Variants in FAM193B observed in about 807,000 individuals in gnomAD.
FAM193B encodes protein FAM193B.
In FAM193B, 27 loss-of-function variants were observed where a neutral mutation model predicts 70.7. The ratio of observed to expected loss-of-function variants is 0.38; its 90% CI spans 0.28 to 0.53. The LOEUF (loss-of-function observed/expected upper bound fraction) is 0.53, where lower values mean the gene tolerates loss of function less well. FAM193B is among the 20% of genes least tolerant of loss of function. The probability of loss-of-function intolerance (pLI) is 0.81; values close to 1 mark genes in which losing one functional copy is unlikely to be tolerated. For missense variants in FAM193B, 1,022 were observed against 1,072.5 expected (o/e 0.95, Z 0.66); for synonymous variants, 448 against 436.0 (o/e 1.03, Z -0.34).
chr5:177,538,614 AG>A lies in FAM193B; in HGVS notation c.453+290del, dbSNP rs1442771080. 2.6e-5 allele frequency among the ~76,000 whole-genome samples: 4 copies of A among 152,300 alleles called. No individual in the cohort carries two copies. The highest frequency in any genetic ancestry group is 1.3e-4 in the Admixed American group (2 of 15,302). The stretch of plus-strand genomic sequence containing the variant: ...CCCATGTCATACTGGTTGGCTTTCA[AG>A]CTGCCACAGAGCCGAAGGCAGCAGG... On this transcript the variant is annotated intron_variant, in intron 2 of 8. Coordinates refer to ENST00000514747, the MANE Select transcript of FAM193B (RefSeq NM_001190946.3). The surrounding 1 kb of genome is among the most constrained non-coding windows in gnomAD (Gnocchi z 4.1).
chr5:177,534,291 A>ATTT (rs372141424), intron 4 of FAM193B, among the ~76,000 whole-genome samples: 11 of 134,796 alleles, frequency 8.2e-5, no homozygotes, highest in Non-Finnish European at 1.2e-4. Flanking sequence ...AGCAAAACTG[A>ATTT]TTTTTTTTTT....
chr5:177,532,414 C>T lies in FAM193B; in HGVS notation c.1275+29G>A. The T allele has an allele frequency of 6.3e-7, 1 of 1,593,890 alleles. No individual in the cohort carries two copies. The highest frequency in any genetic ancestry group is 8.5e-7 in the Non-Finnish European group (1 of 1,172,070). On this transcript the variant is annotated intron_variant, in intron 5 of 8. Transcript: ENST00000514747. This position sits in a 1 kb window ranked among gnomAD's most constrained non-coding sequence, Gnocchi z 4.9. ...TTTGCTCACCTTGGCTGGCCCCCAG[C>T]CCTCTCTAGCCTGGGCAGGCTCACT... is the stretch of plus-strand genomic sequence containing the variant.
intron 5 of FAM193B, among the ~76,000 whole-genome samples, chr5:177,526,930 C>T (rs1762702201): frequency 6.6e-6 from 1 of 152,222 alleles, no homozygotes; most frequent in Non-Finnish European, 1.5e-5. Flanking sequence ...CTTCAGTCTG[C>T]TGAGGGAGAC....
chr5:177,551,935 C>T (rs1460466292), intron 1 of FAM193B: 1 of 725,546 alleles, frequency 1.4e-6, no homozygotes, highest in African/African-American at 1.9e-5. Flanking sequence ...CCAGACCCCA[C>T]CCCCGGTCAA....
rs770040508 is a variant in FAM193B, at chr5:177,524,512, C to G, written c.1969G>C (p.Ala657Pro). Residue 657 changes from alanine to proline, a missense_variant, in exon 6 of 9, where the codon GCC (alanine) becomes CCC (proline). Physicochemically the swap from Ala to Pro is conservative, Grantham distance 27. Transcript: ENST00000514747. ...TTGGCACTGGGAACCTCTAGGCTGG[C>G]TGGGGGCCGGGGGGCTGGGCTTGCC... Reference protein sequence around the residue: ...SEASPAPRPPASLEVPSAKGQ... With the variant: ...SEASPAPRPPPSLEVPSAKGQ... 1 of 1,612,820 alleles carries G rather than the reference C, an allele frequency of 6.2e-7. No homozygotes were observed. The highest frequency in any genetic ancestry group is 1.7e-5 in the Admixed American group (1 of 59,942).
At chr5:177,520,971 C>T (rs1413407643) in intron 8 of FAM193B, among the ~76,000 whole-genome samples, 1 of 152,222 alleles carries the variant, frequency 6.6e-6, no homozygotes, top group Admixed American at 6.5e-5. Flanking sequence ...GCTCTCTGAG[C>T]TGCCCCTGGG....
intron 3 of FAM193B, 51 bp from the exon 4 acceptor site, chr5:177,536,796 A>G: frequency 1.3e-6 from 2 of 1,532,854 alleles, no homozygotes; most frequent in Middle Eastern, 2.3e-4. Flanking sequence ...CAGACCTGGG[A>G]AGGAAAGCCC....
intron 5 of FAM193B, chr5:177,531,574 A>G: frequency 1.7e-6 from 2 of 1,205,480 alleles, no homozygotes; most frequent in Non-Finnish European, 1.1e-6. Flanking sequence ...GGGGGCCCAC[A>G]GCACTCCCTC....
Position 177,524,332 on chromosome 5 carries a change from G to T in FAM193B, c.2149C>A (p.Arg717=), listed in dbSNP as rs1377788911. The T allele has an allele frequency of 1.3e-6, 2 of 1,582,044 alleles. No homozygotes were observed. Among genetic ancestry groups the T allele is most frequent in the South Asian group, 2.3e-5 (2 of 86,530 alleles). Residue 717 remains arginine (R), a synonymous_variant, in exon 6 of 9, where the codon CGA becomes AGA. Coordinates refer to ENST00000514747, the MANE Select transcript of FAM193B (RefSeq NM_001190946.3). ...KTEKEKGSSW[R]NWPGEAKARP... ...GCCTTGGCCTCGCCTGGCCAGTTTC[G>T]CCAGGAGCTGCCCTTCTCCTTCTCA...
chr5:177,523,281 T>C (rs1193459922), intron 7 of FAM193B: 6 of 357,028 alleles, frequency 1.7e-5, no homozygotes, highest in African/African-American at 1.3e-4. Flanking sequence ...ATGAGAAGCA[T>C]GAGCCACCGC....
intron 8 of FAM193B, among the ~76,000 whole-genome samples, chr5:177,521,159 C>G (rs1346148209): frequency 6.6e-6 from 1 of 152,188 alleles, no homozygotes; most frequent in African/African-American, 2.4e-5. Flanking sequence ...CGGAAAAGGC[C>G]TGACCCCAGG....
rs745873254 is a variant in FAM193B at position 177,524,292 on chromosome 5, T to G, written c.2189A>C (p.Gln730Pro). The change falls in exon 6 of 9, where the codon CAG (glutamine) becomes CCG (proline). Residue 730 changes from glutamine (Q) to proline (P), a missense_variant. Coordinates refer to ENST00000514747, the MANE Select transcript of FAM193B (RefSeq NM_001190946.3). ...TGGGCCTGAGGGCTGCACAGACTCC[T>G]GCTCCTGAGGCCGTGCCTTGGCCTC... The part of the protein sequence containing the change: ...PGEAKARPQE[Q>P]ESVQPSGPAR... 1 of 1,586,016 alleles carries G rather than the reference T, an allele frequency of 6.3e-7. No homozygotes were observed. The highest frequency in any genetic ancestry group is 1.1e-5 in the South Asian group (1 of 87,242).
intron 5 of FAM193B, among the ~76,000 whole-genome samples, chr5:177,530,082 G>A (rs896613741): frequency 3.9e-5 from 6 of 152,184 alleles, no homozygotes; most frequent in Admixed American, 1.3e-4. Flanking sequence ...GCTCCTAAAC[G>A]TGTCACTGTG....
At position 177,538,123 on chromosome 5, in the gene FAM193B, GA is replaced by G; in HGVS notation, c.454-17del. ...ACAAGGAGATCTGGAGAAGGGGGAG[GA>G]AAAAGGCTCACGGTCAAACAGCAAA... On this transcript the variant is annotated splice_polypyrimidine_tract_variant and intron_variant, in intron 2 of 8. Coordinates refer to ENST00000514747, the MANE Select transcript of FAM193B (RefSeq NM_001190946.3). This position sits in a 1 kb window ranked among gnomAD's most constrained non-coding sequence, Gnocchi z 4.1. 3.3e-6 allele frequency: 5 copies of G among 1,522,488 alleles called. No homozygotes were observed. Among genetic ancestry groups the G allele is most frequent in the African/African-American group, 1.4e-5 (1 of 72,332 alleles). The allele number at this position is 1,522,488 out of a possible 1,614,324, so 94.3% of individuals were successfully genotyped here.
chr5:177,520,836 G>T (rs1336842634), intron 8 of FAM193B, among the ~76,000 whole-genome samples: 1 of 152,174 alleles, frequency 6.6e-6, no homozygotes, highest in Non-Finnish European at 1.5e-5. Context: ...GGCAAAGGGG[G>T]CTGACTGAGC....
chr5:177,522,224 GC>G, intron 7 of FAM193B, 153 bp from the exon 8 acceptor site: 1 of 609,520 alleles, frequency 1.6e-6, no homozygotes, highest in East Asian at 2.9e-5. Context: ...AGGCATAGGA[GC>G]TTTGCTGGCT....
rs335460 is a variant in FAM193B, at chr5:177,536,348, G to A, written c.1076+10C>T. The A allele has an allele frequency of 0.92, 1,476,795 of 1,603,910 alleles. 685,430 individuals are homozygous for A. The highest frequency in any genetic ancestry group is 0.95 in the Non-Finnish European group (1,116,895 of 1,176,708). ...GGGTAGCGAGTTTGCCCTTCATGCAGCACACTTACCTGTGAGTGCTAGGGA... is the reference window on the plus strand; with the variant it reads ...GGGTAGCGAGTTTGCCCTTCATGCAACACACTTACCTGTGAGTGCTAGGGA... On this transcript the variant is annotated intron_variant, in intron 4 of 8. Transcript: ENST00000514747.
In FAM193B at chr5:177,554,528, C is replaced by CCG. The variant is rs1365691854; in HGVS notation, c.-72_-71dup. ...GCCGCCGCCGCCGCCGCCGCCGCCG[C>CCG]CGCTACCGCTCCCCTCACAGGACAA... On this transcript the variant is annotated 5_prime_UTR_variant, in exon 1 of 9. Transcript: ENST00000514747. 1 of 913,296 alleles carries CCG rather than the reference C, an allele frequency of 1.1e-6. No individual in the cohort carries two copies. The highest frequency in any genetic ancestry group is 1.3e-6 in the Non-Finnish European group (1 of 760,174). The allele number at this position is 913,296 out of a possible 1,614,324, so 56.6% of individuals were successfully genotyped here. A position where few individuals can be genotyped will look rare whatever the true frequency, so the allele number is the denominator to read the frequency against.
At position 177,524,400 on chromosome 5, in the gene FAM193B, C is replaced by G. The variant is rs563536004; in HGVS notation, c.2081G>C (p.Arg694Pro). The G allele has an allele frequency of 7.6e-6, 12 of 1,576,504 alleles. No individual in the cohort carries two copies. Among genetic ancestry groups the G allele is most frequent in the South Asian group, 2.3e-5 (2 of 86,296 alleles). Residue 694 changes from arginine (R) to proline (P), a missense_variant, in exon 6 of 9, where the codon CGG becomes CCG. Transcript: ENST00000514747. ...CCAACCTGGTCCTGGCCGGCTCCCC[C>G]GGCTCCCCTCTCCAGCCTCAGCACA... Reference protein sequence around the residue: ...GSCAEAGEGSRGSRPGPGWAG... With the variant: ...GSCAEAGEGSPGSRPGPGWAG...
Sources: allele counts gnomAD v4.1 joint callset (sites outside exome capture counted in the v4.1 genomes callset), GRCh38; gene constraint gnomAD v4.1.1; non-coding constraint Gnocchi (gnomAD v3.1); transcripts MANE v1.5; gene names NCBI Gene and HGNC (gene_info 2026-07-23, HGNC 2026-07-21).